The following OXR1 variants were observed in gnomAD, a reference collection of about 807,000 sequenced individuals.
OXR1 encodes the protein oxidation resistance 1.
OXR1 carries 41 observed loss-of-function variants against 104.6 expected under a neutral mutation model. The ratio of observed to expected loss-of-function variants is 0.39; its 90% CI spans 0.31 to 0.51. The LOEUF (loss-of-function observed/expected upper bound fraction) is 0.51. Among genes scored for constraint, OXR1 ranks in the 20% least tolerant of loss-of-function variants. OXR1 has a pLI of 0.77. For synonymous variants in OXR1, 348 were observed against 348.4 expected, an observed-to-expected ratio of 1.00 and a Z score of 0.01; for missense variants, 955 against 1,031.9, an observed-to-expected ratio of 0.93 and a Z score of 1.02.
chr8:106,577,490 C>A (rs1225970748), intron 3 of OXR1, among the ~76,000 whole-genome samples: 7 of 143,926 alleles, frequency 4.9e-5, no homozygotes, highest in African/African-American at 1.8e-4. Context: ...CCCGGGTTCA[C>A]ACCATTCTCC....
intron 3 of OXR1, among the ~76,000 whole-genome samples, chr8:106,563,749 C>T (rs1177115078): frequency 6.6e-6 from 1 of 152,140 alleles, no homozygotes; most frequent in African/African-American, 2.4e-5. Context: ...GTGAAACACT[C>T]CTCAGCAAAT....
chr8:106,709,504 A>G (rs528006461), intron 9 of OXR1, among the ~76,000 whole-genome samples: 53 of 151,872 alleles, frequency 3.5e-4, no homozygotes, highest in African/African-American at 1.2e-3. Flanking sequence ...CTTTGACTAC[A>G]TCTGATAGTT....
intron 11 of OXR1, among the ~76,000 whole-genome samples, chr8:106,725,050 T>A (rs1833193009): frequency 6.6e-6 from 1 of 152,144 alleles, no homozygotes; most frequent in Non-Finnish European, 1.5e-5. Flanking sequence ...GTGACCACAA[T>A]GCACTGTATG....
chr8:106,396,692 G>C (rs1554633461), intron 2 of OXR1, among the ~76,000 whole-genome samples: 1 of 151,904 alleles, frequency 6.6e-6, no homozygotes, highest in Non-Finnish European at 1.5e-5. Context: ...TGGTGCAAAA[G>C]TAATTGTGCT....
rs192569582 is a variant in OXR1, at chr8:106,564,230, C to T, written c.220+45091C>T. Reference sequence around the variant, plus strand: ...GAAAAGATTAACAAAATTGATAGACCGCTAGCCATACTAATAAAGAAGAAA... The same window carrying T: ...GAAAAGATTAACAAAATTGATAGACTGCTAGCCATACTAATAAAGAAGAAA... On this transcript the variant is annotated intron_variant, in intron 3 of 16. Transcript: ENST00000517566. Among the ~76,000 whole-genome samples, 1,361 of 151,952 alleles carry T rather than the reference C, an allele frequency of 9.0e-3. 14 individuals carry two copies. Among genetic ancestry groups the T allele is most frequent in the African/African-American group, 0.028 (1,147 of 41,428 alleles).
intron 2 of OXR1, among the ~76,000 whole-genome samples, chr8:106,499,617 A>T (rs895836472): frequency 7.2e-5 from 11 of 152,214 alleles, no homozygotes; most frequent in Admixed American, 2.0e-4. Flanking sequence ...TGCTGCTGCC[A>T]TTAATCAACT....
intron 2 of OXR1, among the ~76,000 whole-genome samples, chr8:106,509,007 G>T (rs552831264): frequency 6.6e-6 from 1 of 152,250 alleles, no homozygotes; most frequent in African/African-American, 2.4e-5. Flanking sequence ...TTAAAAATAG[G>T]TATCTTTAAT....
intron 1 of OXR1, among the ~76,000 whole-genome samples, chr8:106,274,418 C>T (rs1403230529): frequency 6.6e-6 from 1 of 152,152 alleles, no homozygotes; most frequent in Non-Finnish European, 1.5e-5. Flanking sequence ...CTCACCATTC[C>T]ACCCATTTTT....
intron 3 of OXR1, chr8:106,657,971 C>G (rs767223282): frequency 1.4e-4 from 178 of 1,248,324 alleles, no homozygotes; most frequent in Non-Finnish European, 1.1e-4. Flanking sequence ...AGTTCCGCGT[C>G]CAGCCCCGCG....
intron 2 of OXR1, among the ~76,000 whole-genome samples, chr8:106,499,756 T>C (rs1811658844): frequency 6.6e-6 from 1 of 152,206 alleles, no homozygotes; most frequent in Non-Finnish European, 1.5e-5. Context: ...ATATAACTAA[T>C]ATGAGATAAA....
chr8:106,313,693 T>C (rs1243824760), intron 1 of OXR1, among the ~76,000 whole-genome samples: 1 of 152,136 alleles, frequency 6.6e-6, no homozygotes, highest in Non-Finnish European at 1.5e-5. Context: ...CCTAGAGATA[T>C]ATTATTTCTG....
chr8:106,489,440 G>T (rs1810929426), intron 2 of OXR1, among the ~76,000 whole-genome samples: 1 of 152,076 alleles, frequency 6.6e-6, no homozygotes, highest in Non-Finnish European at 1.5e-5. Flanking sequence ...TTTCCCAGGA[G>T]ATAGATTTCC....
At chr8:106,312,369 G>A (rs921483564) in intron 1 of OXR1, among the ~76,000 whole-genome samples, 1 of 152,220 alleles carries the variant, frequency 6.6e-6, no homozygotes, top group African/African-American at 2.4e-5. Flanking sequence ...CTCAGGGTAT[G>A]GTGGCTGGCT....
At chr8:106,330,614 G>A (rs1484409376) in intron 1 of OXR1, among the ~76,000 whole-genome samples, 1 of 152,012 alleles carries the variant, frequency 6.6e-6, no homozygotes, top group East Asian at 1.9e-4. Context: ...TTTTGGATGG[G>A]GTTTATTACT....
At chr8:106,696,057 A>G (rs1328390207) in intron 7 of OXR1, among the ~76,000 whole-genome samples, 1 of 152,176 alleles carries the variant, frequency 6.6e-6, no homozygotes, top group Non-Finnish European at 1.5e-5. Context: ...TTTATCTATC[A>G]TTACAGTATT....
chr8:106,739,421 G>A (rs1395144707), intron 12 of OXR1, 37 bp from the exon 13 acceptor site: 8 of 1,581,514 alleles, frequency 5.1e-6, no homozygotes, highest in Non-Finnish European at 6.9e-6. Context: ...CATGTCACAA[G>A]TTTACATTAA....
At chr8:106,638,986 A>G (rs1330849779) in intron 3 of OXR1, among the ~76,000 whole-genome samples, 2 of 152,082 alleles carry the variant, frequency 1.3e-5, no homozygotes, top group Admixed American at 1.3e-4. Context: ...TCAGCAGCTC[A>G]TGAATGGGAC....
At chr8:106,719,731 T>C (rs746261582) in intron 11 of OXR1, among the ~76,000 whole-genome samples, 9 of 152,228 alleles carry the variant, frequency 5.9e-5, no homozygotes, top group Non-Finnish European at 1.0e-4. Context: ...ACTTGAATGA[T>C]TGATAGATCT....
At chr8:106,537,589 A>G (rs1301936981) in intron 3 of OXR1, among the ~76,000 whole-genome samples, 1 of 152,156 alleles carries the variant, frequency 6.6e-6, no homozygotes, top group Non-Finnish European at 1.5e-5. Flanking sequence ...GCTAATGACA[A>G]GTTGATGGGT....
Sources: gnomAD v4.1 joint callset for allele counts (sites outside exome capture counted in the v4.1 genomes callset) on GRCh38, gnomAD v4.1.1 for gene constraint, MANE v1.5 for transcripts, NCBI Gene and HGNC (gene_info 2026-07-23, HGNC 2026-07-21) for gene names.